The following GALNTL6 variants were observed in gnomAD, a reference collection of about 807,000 sequenced individuals.
GALNTL6 encodes the protein polypeptide N-acetylgalactosaminyltransferase like 6, also known as polypeptide N-acetylgalactosaminyltransferase-like 6.
GALNTL6 carries 46 observed loss-of-function variants against 73.7 expected under a neutral mutation model. The ratio of observed to expected loss-of-function variants is 0.62; its 90% CI spans 0.49 to 0.80. The LOEUF (loss-of-function observed/expected upper bound fraction) is 0.80, where lower values mean the gene tolerates loss of function less well. Among genes scored for constraint, GALNTL6 ranks in the 30% least tolerant of loss-of-function variants. GALNTL6 has a pLI of 0.00. For missense variants in GALNTL6, 604 were observed against 755.0 expected (o/e 0.80, Z 2.34); for synonymous variants, 259 against 263.7 (o/e 0.98, Z 0.17).
intron 2 of GALNTL6, among the ~76,000 whole-genome samples, chr4:172,135,178 T>C (rs1171582603): frequency 2.6e-5 from 4 of 152,200 alleles, no homozygotes; most frequent in African/African-American, 9.6e-5. Context: ...TTATAAGCTA[T>C]ACTTATAATT....
At chr4:172,902,185 T>A (rs1001133221) in intron 8 of GALNTL6, among the ~76,000 whole-genome samples, 2 of 152,166 alleles carry the variant, frequency 1.3e-5, no homozygotes, top group African/African-American at 2.4e-5. Flanking sequence ...AAATGTTGTC[T>A]ACTGTTTAAG....
chr4:172,917,610 A>G (rs1747590601), intron 8 of GALNTL6, among the ~76,000 whole-genome samples: 1 of 152,244 alleles, frequency 6.6e-6, no homozygotes, highest in African/African-American at 2.4e-5. Context: ...ACACTTCTCA[A>G]AAGAAGACTT....
chr4:173,007,305 G>A (rs1253068178), intron 10 of GALNTL6, among the ~76,000 whole-genome samples: 3 of 152,040 alleles, frequency 2.0e-5, no homozygotes, highest in African/African-American at 7.2e-5. Flanking sequence ...ATCATCAGTT[G>A]GGCCCATCCT....
At chr4:172,895,346 G>A (rs1006593548) in intron 8 of GALNTL6, among the ~76,000 whole-genome samples, 2 of 148,840 alleles carry the variant, frequency 1.3e-5, no homozygotes, top group Non-Finnish European at 3.0e-5. Context: ...TTTTACTTTA[G>A]TGTATATATT....
intron 3 of GALNTL6, among the ~76,000 whole-genome samples, chr4:172,261,062 TTC>T (rs1222704955): frequency 6.6e-6 from 1 of 151,460 alleles, no homozygotes; most frequent in Non-Finnish European, 1.5e-5. Flanking sequence ...GTCTGTAGTT[TTC>T]TTTTTTTGGT....
chr4:172,898,051 A>C (rs1746422190), intron 8 of GALNTL6, among the ~76,000 whole-genome samples: 2 of 149,534 alleles, frequency 1.3e-5, no homozygotes, highest in Non-Finnish European at 3.0e-5. Context: ...AAATTAATTA[A>C]AATGAAAGAA....
At chr4:172,284,619 G>A (rs186188913) in intron 3 of GALNTL6, among the ~76,000 whole-genome samples, 1 of 152,082 alleles carries the variant, frequency 6.6e-6, no homozygotes, top group Non-Finnish European at 1.5e-5. Flanking sequence ...TGTATTTTTA[G>A]GTCTTACACT....
intron 5 of GALNTL6, among the ~76,000 whole-genome samples, chr4:172,608,533 C>T (rs1007989326): frequency 7.9e-5 from 12 of 152,162 alleles, no homozygotes; most frequent in African/African-American, 2.6e-4. Context: ...GTTACTGTAG[C>T]TTTATAGTAT....
At chr4:171,961,507 C>A (rs551802205) in intron 2 of GALNTL6, among the ~76,000 whole-genome samples, 1 of 152,106 alleles carries the variant, frequency 6.6e-6, no homozygotes, top group Non-Finnish European at 1.5e-5. Flanking sequence ...AAAAACCCTA[C>A]GTAGCAAATA....
At chr4:171,817,089 A>T (rs992553881) in intron 2 of GALNTL6, among the ~76,000 whole-genome samples, 1 of 152,046 alleles carries the variant, frequency 6.6e-6, no homozygotes, top group Admixed American at 6.5e-5. Flanking sequence ...TGTTCCCCAG[A>T]ACACATTTAC....
At chr4:173,007,469 T>G (rs1752351967) in intron 10 of GALNTL6, among the ~76,000 whole-genome samples, 1 of 152,178 alleles carries the variant, frequency 6.6e-6, no homozygotes, top group South Asian at 2.1e-4. Context: ...CAGGCTGTGC[T>G]TCTGACACTA....
chr4:172,098,267 G>GA (rs1732414478), intron 2 of GALNTL6, among the ~76,000 whole-genome samples: 1 of 151,912 alleles, frequency 6.6e-6, no homozygotes, highest in Non-Finnish European at 1.5e-5. Flanking sequence ...TGAACTAAAT[G>GA]AAAAAATCAT....
At chr4:173,005,967 A>C (rs1187689004) in intron 10 of GALNTL6, among the ~76,000 whole-genome samples, 1 of 152,212 alleles carries the variant, frequency 6.6e-6, no homozygotes, top group Non-Finnish European at 1.5e-5. Context: ...TTTTGAGCTC[A>C]TAACATTTAA....
chr4:172,838,149 G>A (rs763673139), intron 7 of GALNTL6, among the ~76,000 whole-genome samples: 4 of 151,826 alleles, frequency 2.6e-5, no homozygotes, highest in Admixed American at 2.6e-4. Context: ...GTTGAGAGAT[G>A]GGGGGGCACA....
At chr4:172,249,014 T>TA (rs1222911493) in intron 3 of GALNTL6, among the ~76,000 whole-genome samples, 1 of 152,164 alleles carries the variant, frequency 6.6e-6, no homozygotes, top group Non-Finnish European at 1.5e-5. Flanking sequence ...GCTGTAAAGA[T>TA]ACCTGAAAAT....
Position 172,356,792 on chromosome 4 carries a change from A to T in GALNTL6, c.553+8103A>T, listed in dbSNP as rs186005857. Among the ~76,000 whole-genome samples the T allele has an allele frequency of 4.6e-5, 7 of 152,320 alleles. No individual in the cohort carries two copies. In the East Asian group the frequency reaches 1.2e-3, roughly 25 times the overall value. The stretch of plus-strand genomic sequence containing the variant: ...AAGTCCTAAGTCACACAGTGGGTCA[A>T]TTTTATATGCTTTGATAAATGCTAG... On this transcript the variant is annotated intron_variant, in intron 5 of 12. Transcript: ENST00000506823.
At chr4:172,761,669 TTCTCTCTC>T (rs33989573) in intron 5 of GALNTL6, among the ~76,000 whole-genome samples, 1 of 147,176 alleles carries the variant, frequency 6.8e-6, no homozygotes, top group Non-Finnish European at 1.5e-5. Flanking sequence ...CTTGCTCTCT[TTCTCTCTC>T]TCTCTCTCTC....
chr4:172,856,819 TGTCACTGTGCCTC>T (rs1744145925), intron 7 of GALNTL6, among the ~76,000 whole-genome samples: 1 of 152,154 alleles, frequency 6.6e-6, no homozygotes, highest in Non-Finnish European at 1.5e-5. Context: ...TACAAGAAAA[TGTCACTGTGCCTC>T]TGGTGCAGGC....
At chr4:172,628,725 G>A (rs1437395806) in intron 5 of GALNTL6, among the ~76,000 whole-genome samples, 1 of 152,106 alleles carries the variant, frequency 6.6e-6, no homozygotes, top group Non-Finnish European at 1.5e-5. Context: ...ATTGTTCTTT[G>A]TTGCAGATAG....
Sources: gnomAD v4.1 joint callset for allele counts (sites outside exome capture counted in the v4.1 genomes callset) on GRCh38, gnomAD v4.1.1 for gene constraint, MANE v1.5 for transcripts, NCBI Gene and HGNC (gene_info 2026-07-23, HGNC 2026-07-21) for gene names.